Variants in CASK observed in about 807,000 individuals in gnomAD.
CASK encodes calcium/calmodulin dependent serine protein kinase, also known as peripheral plasma membrane protein CASK.
CASK carries 4 observed loss-of-function variants against 82.9 expected under a neutral mutation model. That is an observed-to-expected ratio of 0.05 (90% CI 0.02 to 0.11). CASK has a LOEUF of 0.11. CASK is among the 10% of genes least tolerant of loss of function. CASK has a pLI of 1.00. For synonymous variants in CASK, 259 were observed against 253.5 expected (o/e 1.02, Z -0.20); for missense variants, 358 against 720.9 (o/e 0.50, Z 5.76).
intron 8 of CASK, among the ~76,000 whole-genome samples, chrX:41,659,516 G>A (rs1478156490): frequency 1.8e-5 from 2 of 110,386 alleles, no homozygotes; most frequent in East Asian, 2.9e-4. Flanking sequence ...ATGAGCCACC[G>A]CACCCGGCCA....
At chrX:41,747,584 G>A (rs929835966) in intron 3 of CASK, among the ~76,000 whole-genome samples, 6 of 111,262 alleles carry the variant, frequency 5.4e-5, no homozygotes, top group Non-Finnish European at 9.4e-5. Context: ...CACTACAGGC[G>A]CCCGCCACCA....
chrX:41,622,568 C>T, intron 11 of CASK, 49 bp downstream of exon 11: 1 of 1,100,346 alleles, frequency 9.1e-7, no homozygotes, highest in Non-Finnish European at 1.2e-6. Context: ...CAAAGCCAAA[C>T]ACTTTTGCAT....
intron 1 of CASK, among the ~76,000 whole-genome samples, chrX:41,907,215 G>A (rs2072484277): frequency 8.9e-6 from 1 of 112,125 alleles, no homozygotes; most frequent in African/African-American, 3.2e-5. Context: ...ATATAGCTCA[G>A]TATCATTTGG....
intron 5 of CASK, among the ~76,000 whole-genome samples, chrX:41,716,017 A>C (rs750133232): frequency 1.8e-3 from 198 of 112,021 alleles, no homozygotes; most frequent in Non-Finnish European, 3.1e-3. Context: ...TGAGAATACC[A>C]TAAAAAAGCC....
chrX:41,909,504 G>A (rs777098941), intron 1 of CASK, among the ~76,000 whole-genome samples: 23 of 112,161 alleles, frequency 2.1e-4, no homozygotes, highest in South Asian at 1.5e-3. Flanking sequence ...AAGGAGTTGA[G>A]AAGTATTAAT....
rs2066715883 is a variant in CASK at position 41,644,284 on chromosome X, G to A, written c.832-7623C>T. On this transcript the variant is annotated intron_variant, in intron 8 of 26. Coordinates refer to ENST00000378163, the MANE Select transcript of CASK (RefSeq NM_001367721.1). ...GCTGAAACTATGGCAGAAGAACGTG[G>A]ATTATGAAGATTTTATAGACATTTA... Among the ~76,000 whole-genome samples the A allele has an allele frequency of 6.3e-5, 7 of 111,948 alleles. No homozygotes were observed. In the Admixed American group the frequency reaches 6.7e-4, roughly 11 times the overall value.
intron 5 of CASK, among the ~76,000 whole-genome samples, chrX:41,732,396 G>A (rs901489720): frequency 3.6e-5 from 4 of 111,576 alleles, no homozygotes; most frequent in Non-Finnish European, 7.5e-5. Context: ...TCAATTTGCT[G>A]AGGACTCTAG....
intron 1 of CASK, among the ~76,000 whole-genome samples, chrX:41,906,147 T>A (rs1158457946): frequency 8.9e-6 from 1 of 112,049 alleles, no homozygotes; most frequent in Non-Finnish European, 1.9e-5. Flanking sequence ...GCCATAAATT[T>A]TACCTTTTCT....
intron 2 of CASK, among the ~76,000 whole-genome samples, chrX:41,800,917 A>G (rs1392040289): frequency 8.9e-6 from 1 of 111,953 alleles, no homozygotes; most frequent in Non-Finnish European, 1.9e-5. Context: ...TTTAACACCA[A>G]TAGAGGTAGC....
intron 1 of CASK, among the ~76,000 whole-genome samples, chrX:41,863,376 GC>G (rs1339279773): frequency 9.0e-6 from 1 of 111,702 alleles, no homozygotes; most frequent in Non-Finnish European, 1.9e-5. Context: ...AGAGGACAGA[GC>G]CCCAGAAAAC....
intron 1 of CASK, among the ~76,000 whole-genome samples, chrX:41,883,335 C>T (rs1048694089): frequency 9.0e-6 from 1 of 111,550 alleles, no homozygotes; most frequent in African/African-American, 3.3e-5. Context: ...TACTCTCAAA[C>T]TGAGGTGATT....
intron 3 of CASK, among the ~76,000 whole-genome samples, chrX:41,750,412 T>G (rs1487041879): frequency 8.9e-6 from 1 of 111,818 alleles, no homozygotes; most frequent in African/African-American, 3.2e-5. Context: ...CTCTTTGGCT[T>G]CCCATCTTGG....
intron 2 of CASK, among the ~76,000 whole-genome samples, chrX:41,827,666 C>CA (rs2070695146): frequency 8.9e-6 from 1 of 112,240 alleles, no homozygotes; most frequent in Non-Finnish European, 1.9e-5. Flanking sequence ...ATAAGCATCT[C>CA]AGACTAATGA....
intron 2 of CASK, among the ~76,000 whole-genome samples, chrX:41,809,590 C>T (rs1285998600): frequency 9.0e-5 from 10 of 111,627 alleles, no homozygotes; most frequent in Admixed American, 2.8e-4. Context: ...CCCATCTGTA[C>T]GTCACCATGA....
intron 14 of CASK, chrX:41,586,199 T>C (rs1346772477): frequency 1.8e-5 from 2 of 111,992 alleles, no homozygotes; most frequent in Non-Finnish European, 3.8e-5. Flanking sequence ...TAATAGTAGT[T>C]ATAAGAACAA....
chrX:41,601,119 T>C (rs759373909), intron 12 of CASK, among the ~76,000 whole-genome samples: 2 of 111,495 alleles, frequency 1.8e-5, no homozygotes, highest in South Asian at 7.6e-4. Flanking sequence ...TGGGAGTCAG[T>C]ATTTAATGGG....
intron 15 of CASK, among the ~76,000 whole-genome samples, chrX:41,574,698 G>A (rs12857501): frequency 0.12 from 13,896 of 111,514 alleles, 819 homozygotes; most frequent in Middle Eastern, 0.19. Context: ...AGGAGGCCTC[G>A]AATGGAGCCC....
At chrX:41,902,094 T>G (rs1045973695) in intron 1 of CASK, among the ~76,000 whole-genome samples, 1 of 111,352 alleles carries the variant, frequency 9.0e-6, no homozygotes, top group African/African-American at 3.3e-5. Context: ...TGGGCCTGGG[T>G]CCTGGGTCCA....
At chrX:41,624,360 C>T (rs2066333332) in intron 10 of CASK, 1 of 319,127 alleles carries the variant, frequency 3.1e-6, no homozygotes, top group Admixed American at 3.2e-5. Flanking sequence ...CAAGTCAGCA[C>T]AAGAGAAAAA....
Sources: gnomAD v4.1 joint callset for allele counts (sites outside exome capture counted in the v4.1 genomes callset) on GRCh38, gnomAD v4.1.1 for gene constraint, MANE v1.5 for transcripts, NCBI Gene and HGNC (gene_info 2026-07-23, HGNC 2026-07-21) for gene names.